Variants in USP34 observed in about 807,000 individuals in gnomAD.
USP34 encodes the protein ubiquitin specific peptidase 34, also known as ubiquitin carboxyl-terminal hydrolase 34.
In USP34, 70 loss-of-function variants were observed where a neutral mutation model predicts 460.3. The ratio of observed to expected loss-of-function variants is 0.15; its 90% CI spans 0.13 to 0.19. USP34 has a LOEUF of 0.19. Among genes scored for constraint, USP34 ranks in the 10% least tolerant of loss-of-function variants. The pLI, the probability that USP34 is intolerant of heterozygous loss-of-function variation, is 1.00. For synonymous variants in USP34, 1,647 were observed against 1,405.3 expected (o/e 1.17, Z -3.85); for missense variants, 3,985 against 4,236.2 (o/e 0.94, Z 1.65).
At position 61,246,434 on chromosome 2, in the gene USP34, A is replaced by G. The variant is rs1009611056; in HGVS notation, c.6438T>C (p.Tyr2146=). 1.9e-6 allele frequency: 3 copies of G among 1,604,762 alleles called. No individual in the cohort carries two copies. Among genetic ancestry groups the G allele is most frequent in the Non-Finnish European group, 2.6e-6 (3 of 1,174,890 alleles). Residue 2146 remains tyrosine (Y), a synonymous_variant, in exon 50 of 80, where the codon TAT becomes TAC. Transcript: ENST00000398571. ...VSDHSKDSES[Y]EYDLIGVTVH... ...CAGTCACTCCTATCAAGTCATATTC[A>G]TAGCTCTCTGAGTCTTTTGAATGAT...
chr2:61,200,375 C>T (rs954421669), intron 75 of USP34: 1 of 152,318 alleles, frequency 6.6e-6, no homozygotes, highest in African/African-American at 2.4e-5. Flanking sequence ...CTTTCCGTTT[C>T]CTCCAACCCC....
intron 71 of USP34, 41 bp downstream of exon 71, chr2:61,206,719 T>C: frequency 1.2e-6 from 2 of 1,604,714 alleles, no homozygotes; most frequent in East Asian, 2.2e-5. Flanking sequence ...CTCTCTTTAC[T>C]AGTAGCACGA....
chr2:61,379,004 G>A (rs1411992544), intron 7 of USP34, among the ~76,000 whole-genome samples: 1 of 146,094 alleles, frequency 6.8e-6, no homozygotes, highest in African/African-American at 2.5e-5. Context: ...AAATAAAGCT[G>A]AGTAAGTAAA....
chr2:61,236,557 GCTA>G lies in USP34; in HGVS notation c.6778-171_6778-169del, dbSNP rs143484235. On this transcript the variant is annotated intron_variant, in intron 53 of 79. Coordinates refer to ENST00000398571, the MANE Select transcript of USP34 (RefSeq NM_014709.4). ...CCCAAGTATATTCATATAAATGGTT[GCTA>G]CTAATATTTTGTAATTATTAATACT... Among the ~76,000 whole-genome samples the G allele has an allele frequency of 9.2e-3, 1,406 of 152,224 alleles. 24 individuals carry two copies. The highest frequency in any genetic ancestry group is 0.032 in the African/African-American group (1,316 of 41,544).
At chr2:61,421,990 C>T (rs989866732) in intron 1 of USP34, among the ~76,000 whole-genome samples, 6 of 152,112 alleles carry the variant, frequency 3.9e-5, no homozygotes, top group African/African-American at 7.2e-5. Context: ...AAGGAAACGG[C>T]GTAAGGCCAA....
chr2:61,360,154 G>A (rs569757221), intron 10 of USP34, among the ~76,000 whole-genome samples: 1 of 147,058 alleles, frequency 6.8e-6, no homozygotes, highest in Admixed American at 7.1e-5. Context: ...GGAAAGGCAA[G>A]GATGCCCCAG....
At chr2:61,429,015 G>C (rs1207723372) in intron 1 of USP34, among the ~76,000 whole-genome samples, 1 of 151,936 alleles carries the variant, frequency 6.6e-6, no homozygotes, top group Non-Finnish European at 1.5e-5. Context: ...AGTGGATTGA[G>C]TTTAAAAATA....
chr2:61,308,255 CA>C (rs1053291985), intron 27 of USP34, among the ~76,000 whole-genome samples: 1 of 151,280 alleles, frequency 6.6e-6, no homozygotes, highest in African/African-American at 2.4e-5. Flanking sequence ...ACAGAATGAA[CA>C]AAAAAAGCAA....
chr2:61,220,301 T>C lies in USP34; in HGVS notation c.8047+9A>G. The C allele has an allele frequency of 1.3e-6, 2 of 1,594,632 alleles. No individual in the cohort carries two copies. Among genetic ancestry groups the C allele is most frequent in the Non-Finnish European group, 1.7e-6 (2 of 1,173,844 alleles). ...AAATGGTTTATGAAATTCTAAATATTTGACTTACAAGTCCTCACTCTAGGA... is the reference window on the plus strand; with the variant it reads ...AAATGGTTTATGAAATTCTAAATATCTGACTTACAAGTCCTCACTCTAGGA... On this transcript the variant is annotated intron_variant, in intron 67 of 79. Coordinates refer to ENST00000398571, the MANE Select transcript of USP34 (RefSeq NM_014709.4).
At chr2:61,340,643 T>C (rs147409366) in intron 16 of USP34, among the ~76,000 whole-genome samples, 12 of 152,280 alleles carry the variant, frequency 7.9e-5, no homozygotes, top group African/African-American at 2.9e-4. Context: ...TAGAATCTCA[T>C]TGAGGTTTTT....
chr2:61,393,540 G>A (rs1472997933), intron 5 of USP34, among the ~76,000 whole-genome samples: 1 of 151,630 alleles, frequency 6.6e-6, no homozygotes, highest in African/African-American at 2.4e-5. Flanking sequence ...AAATGACCTT[G>A]ATAGTAATCA....
At chr2:61,209,988 T>C (rs972423276) in intron 69 of USP34, among the ~76,000 whole-genome samples, 21 of 152,322 alleles carry the variant, frequency 1.4e-4, no homozygotes, top group Middle Eastern at 3.4e-3. Context: ...ATATAAATAC[T>C]TTTGTTCAGC....
chr2:61,430,616 A>C (rs1312326138), intron 1 of USP34, among the ~76,000 whole-genome samples: 1 of 152,222 alleles, frequency 6.6e-6, no homozygotes, highest in African/African-American at 2.4e-5. Flanking sequence ...ACCTTATTGT[A>C]TGTAAATTAT....
chr2:61,302,854 A>G (rs1462454777), intron 27 of USP34, among the ~76,000 whole-genome samples: 1 of 152,144 alleles, frequency 6.6e-6, no homozygotes, highest in Non-Finnish European at 1.5e-5. Flanking sequence ...AGAACTTATA[A>G]TATTGCTTAG....
chr2:61,369,416 G>C (rs1692540651), intron 10 of USP34, among the ~76,000 whole-genome samples: 1 of 152,008 alleles, frequency 6.6e-6, no homozygotes, highest in African/African-American at 2.4e-5. Flanking sequence ...AGGCCGAGGT[G>C]GGCGGATCAT....
rs753800268 is a variant in USP34 at position 61,391,506 on chromosome 2, ATTTTC to A, written c.753+3342_753+3346del. On this transcript the variant is annotated intron_variant, in intron 5 of 79. Transcript: ENST00000398571. ...CTGCCACAAAAGTGATTTATGAGTT[ATTTTC>A]TTTTCTTTACAAACGGCTGCCCTAA... Among the ~76,000 whole-genome samples the A allele has an allele frequency of 2.7e-4, 41 of 152,200 alleles. No individual in the cohort carries two copies. The East Asian group carries it at 4.4e-3, about 16-fold the overall frequency.
intron 32 of USP34, among the ~76,000 whole-genome samples, chr2:61,293,776 A>C (rs1246267693): frequency 6.6e-6 from 1 of 152,190 alleles, no homozygotes; most frequent in Non-Finnish European, 1.5e-5. Context: ...GAACTTTGGG[A>C]GGCCAAAGCC....
At chr2:61,243,511 A>G (rs1373902386) in intron 51 of USP34, among the ~76,000 whole-genome samples, 2 of 152,182 alleles carry the variant, frequency 1.3e-5, no homozygotes, top group South Asian at 4.2e-4. Flanking sequence ...TGGACCTGCA[A>G]TTTGAAAAAC....
chr2:61,409,682 C>A (rs1008659809), intron 2 of USP34, among the ~76,000 whole-genome samples: 1 of 152,074 alleles, frequency 6.6e-6, no homozygotes, highest in Non-Finnish European at 1.5e-5. Context: ...CCACTGCACT[C>A]CAGCCTGGGC....
Sources: gnomAD v4.1 joint callset for allele counts (sites outside exome capture counted in the v4.1 genomes callset) on GRCh38, gnomAD v4.1.1 for gene constraint, MANE v1.5 for transcripts, NCBI Gene and HGNC (gene_info 2026-07-23, HGNC 2026-07-21) for gene names.